Variants in SYT14 observed in about 807,000 individuals in gnomAD.
SYT14 encodes the protein synaptotagmin 14, also known as synaptotagmin-14.
In SYT14, 32 loss-of-function variants were observed where a neutral mutation model predicts 74.2. The observed-to-expected ratio is 0.43, with a 90% CI of 0.33 to 0.58. The LOEUF is 0.58. Ranked by LOEUF, SYT14 falls within the 20% of genes least tolerant of loss-of-function variation. SYT14 has a pLI of 0.05. For missense variants in SYT14, 791 were observed against 981.8 expected (o/e 0.81, Z 2.60); for synonymous variants, 298 against 337.7 (o/e 0.88, Z 1.29).
At chr1:209,945,933 T>TG (rs1400591297) in intron 1 of SYT14, among the ~76,000 whole-genome samples, 1 of 152,252 alleles carries the variant, frequency 6.6e-6, no homozygotes, top group African/African-American at 2.4e-5. Context: ...CAACAGCATG[T>TG]GCTCACCTTG....
At chr1:210,103,366 C>T (rs1490463820) in intron 7 of SYT14, among the ~76,000 whole-genome samples, 3 of 151,588 alleles carry the variant, frequency 2.0e-5, no homozygotes, top group African/African-American at 7.3e-5. Flanking sequence ...CTGGCTAACA[C>T]GATGAAACCC....
At chr1:209,957,506 A>G (rs1284526604) in intron 2 of SYT14, among the ~76,000 whole-genome samples, 1 of 151,810 alleles carries the variant, frequency 6.6e-6, no homozygotes, top group Non-Finnish European at 1.5e-5. Context: ...GGCTCGCTGC[A>G]ATCTCCACCT....
chr1:210,086,537 T>C (rs115106461), intron 5 of SYT14, among the ~76,000 whole-genome samples: 37 of 152,322 alleles, frequency 2.4e-4, no homozygotes, highest in Non-Finnish European at 4.7e-4. Context: ...TCACTTTCAA[T>C]ACACAGACTC....
intron 6 of SYT14, among the ~76,000 whole-genome samples, chr1:210,099,696 C>A (rs2082026632): frequency 6.6e-6 from 1 of 152,110 alleles, no homozygotes; most frequent in African/African-American, 2.4e-5. Context: ...ACAAAAGGAG[C>A]AGATATACCC....
intron 5 of SYT14, among the ~76,000 whole-genome samples, chr1:210,088,656 T>A (rs1229652153): frequency 6.6e-6 from 1 of 152,024 alleles, no homozygotes; most frequent in Non-Finnish European, 1.5e-5. Context: ...TATGCAGCCA[T>A]AAAAAAGAAT....
intron 5 of SYT14, among the ~76,000 whole-genome samples, chr1:210,040,364 G>A (rs2080761340): frequency 6.6e-6 from 1 of 152,066 alleles, no homozygotes; most frequent in African/African-American, 2.4e-5. Context: ...ACTGGGATCT[G>A]TCGGGGGGTG....
At chr1:209,985,549 G>A (rs2079556506) in intron 2 of SYT14, among the ~76,000 whole-genome samples, 1 of 152,200 alleles carries the variant, frequency 6.6e-6, no homozygotes, top group African/African-American at 2.4e-5. Context: ...AGCTGCTGGT[G>A]GATCTGCCAC....
At chr1:210,148,875 C>A (rs1488091059) in intron 7 of SYT14, among the ~76,000 whole-genome samples, 1 of 152,060 alleles carries the variant, frequency 6.6e-6, no homozygotes, top group Non-Finnish European at 1.5e-5. Flanking sequence ...ACCAACTAGA[C>A]AAGAATAACA....
chr1:209,954,055 T>C (rs532067759), intron 2 of SYT14, among the ~76,000 whole-genome samples: 41 of 152,320 alleles, frequency 2.7e-4, no homozygotes, highest in African/African-American at 9.6e-4. Context: ...TATTATCCAG[T>C]CCCACTAAAA....
intron 2 of SYT14, among the ~76,000 whole-genome samples, chr1:209,989,881 T>G (rs966600542): frequency 6.6e-6 from 1 of 151,982 alleles, no homozygotes; most frequent in Non-Finnish European, 1.5e-5. Context: ...TTATTTAAAC[T>G]CTAAGATATA....
At chr1:210,105,195 A>T (rs963219798) in intron 7 of SYT14, among the ~76,000 whole-genome samples, 1 of 152,132 alleles carries the variant, frequency 6.6e-6, no homozygotes, top group African/African-American at 2.4e-5. Flanking sequence ...CATGATTCTG[A>T]TATACATTAA....
intron 7 of SYT14, among the ~76,000 whole-genome samples, chr1:210,138,206 A>G (rs1265270790): frequency 1.3e-5 from 2 of 152,182 alleles, no homozygotes; most frequent in East Asian, 3.8e-4. Flanking sequence ...ACCATGGTGG[A>G]GGCAAATGAG....
chr1:210,045,152 G>A (rs914571051), intron 5 of SYT14, among the ~76,000 whole-genome samples: 5 of 151,898 alleles, frequency 3.3e-5, no homozygotes, highest in Non-Finnish European at 5.9e-5. Flanking sequence ...CATTTCATTC[G>A]GTGCTATACA....
chr1:210,022,338 A>G lies in SYT14; in HGVS notation c.1312+1084A>G, dbSNP rs138576933. On this transcript the variant is annotated intron_variant, in intron 5 of 9. Transcript: ENST00000637265. Reference sequence around the variant, plus strand: ...ATTAATCAAATACTGAATGATTACTATATGGTCATTATGAGATTCAAGGGA... The same window carrying G: ...ATTAATCAAATACTGAATGATTACTGTATGGTCATTATGAGATTCAAGGGA... Among the ~76,000 whole-genome samples the G allele has an allele frequency of 3.7e-3, 564 of 152,328 alleles. 2 individuals are homozygous for G. The highest frequency in any genetic ancestry group is 6.0e-3 in the Non-Finnish European group (405 of 68,024).
At chr1:210,075,068 G>A (rs898429124) in intron 5 of SYT14, among the ~76,000 whole-genome samples, 2 of 152,204 alleles carry the variant, frequency 1.3e-5, no homozygotes, top group South Asian at 2.1e-4. Context: ...ATAGCCAGAA[G>A]GGAGATGGTT....
chr1:210,006,934 C>T (rs965992071), intron 2 of SYT14, among the ~76,000 whole-genome samples: 1 of 151,592 alleles, frequency 6.6e-6, no homozygotes, highest in South Asian at 2.1e-4. Context: ...ATTTTCTTAG[C>T]TAGAAAATGT....
rs539663242 is a variant in SYT14, at chr1:210,121,598, T to G, written c.2034+21137T>G. 6.6e-4 allele frequency among the ~76,000 whole-genome samples: 101 copies of G among 152,126 alleles called. 1 individual carries two copies. The highest frequency in any genetic ancestry group is 4.8e-3 in the Admixed American group (73 of 15,272). ...TCACAAGGTCAGGAGATTGAGACCA[T>G]CCTGGCTAACATGGTGAAACTCTGT... On this transcript the variant is annotated intron_variant, in intron 7 of 9. Transcript: ENST00000637265.
At chr1:209,955,284 C>G (rs1361107594) in intron 2 of SYT14, among the ~76,000 whole-genome samples, 1 of 152,142 alleles carries the variant, frequency 6.6e-6, no homozygotes, top group Non-Finnish European at 1.5e-5. Flanking sequence ...CAACTTGACA[C>G]GTTTAAAATG....
intron 5 of SYT14, among the ~76,000 whole-genome samples, chr1:210,022,693 G>A (rs149622325): frequency 0.012 from 1,786 of 152,308 alleles, 18 homozygotes; most frequent in Non-Finnish European, 0.016. Context: ...AATGATATAT[G>A]TGGTACAGTT....
Sources: allele counts gnomAD v4.1 joint callset (sites outside exome capture counted in the v4.1 genomes callset), GRCh38; gene constraint gnomAD v4.1.1; transcripts MANE v1.5; gene names NCBI Gene and HGNC (gene_info 2026-07-23, HGNC 2026-07-21).